FAM120C: variants seen among roughly 807,000 people sequenced by gnomAD.
FAM120C encodes the protein constitutive coactivator of PPAR-gamma-like protein 2.
FAM120C carries 14 observed loss-of-function variants against 71.2 expected under a neutral mutation model. The observed-to-expected ratio is 0.20, with a 90% CI of 0.13 to 0.31. The LOEUF is 0.31. Ranked by LOEUF, FAM120C falls within the 10% of genes least tolerant of loss-of-function variation. The pLI, the probability that FAM120C is intolerant of heterozygous loss-of-function variation, is 1.00. For missense variants in FAM120C, 500 were observed against 879.0 expected, an observed-to-expected ratio of 0.57 and a Z score of 5.45; for synonymous variants, 354 against 353.2, an observed-to-expected ratio of 1.00 and a Z score of -0.03.
chrX:54,165,611 T>C (rs2146641630), intron 1 of FAM120C, among the ~76,000 whole-genome samples: 1 of 109,704 alleles, frequency 9.1e-6, no homozygotes, highest in Admixed American at 9.8e-5. Flanking sequence ...ACCCCGTCTC[T>C]ACTAAAAATA....
chrX:54,090,281 G>T (rs1238368417), intron 11 of FAM120C, among the ~76,000 whole-genome samples: 1 of 108,557 alleles, frequency 9.2e-6, no homozygotes, highest in Non-Finnish European at 1.9e-5. Context: ...GCTCAGGCTG[G>T]AGTACAATGG....
At chrX:54,086,911 A>G (rs191191052) in intron 12 of FAM120C, among the ~76,000 whole-genome samples, 2 of 110,858 alleles carry the variant, frequency 1.8e-5, no homozygotes, top group Admixed American at 1.9e-4. Flanking sequence ...GCAAAAAACT[A>G]TGGATAGTGA....
intron 13 of FAM120C, among the ~76,000 whole-genome samples, chrX:54,081,846 C>T (rs2066767317): frequency 9.3e-6 from 1 of 107,780 alleles, no homozygotes; most frequent in Non-Finnish European, 1.9e-5. Context: ...GACAAAAGAT[C>T]CTACAACCCG....
chrX:54,116,730 C>T lies in FAM120C; in HGVS notation c.2127G>A (p.Leu709=), dbSNP rs782003173. The change falls in exon 10 of 16, where the codon CTG becomes CTA. Residue 709 remains leucine (L), a synonymous_variant. Transcript: ENST00000375180. ...YKGKSPQTPE[L]VSALTFREWT... ...ATTCCCGAAATGTCAGTGCAGACAC[C>T]AGCTCAGGGGTTTGAGGTGACTTCC... 2 of 1,209,610 alleles carry T rather than the reference C, an allele frequency of 1.7e-6. No individual in the cohort carries two copies. Among genetic ancestry groups the T allele is most frequent in the East Asian group, 5.9e-5 (2 of 33,757 alleles).
intron 4 of FAM120C, among the ~76,000 whole-genome samples, chrX:54,138,806 G>A (rs7891404): frequency 0.014 from 1,531 of 112,212 alleles, 23 homozygotes; most frequent in African/African-American, 0.044. Context: ...GCGACAGAGC[G>A]AGACTGTCTA....
In FAM120C at chrX:54,116,537, T is replaced by C. The variant is rs782791567; in HGVS notation, c.2312+8A>G. ...AAGAACAGGCCACCTGCCTGTCAGG[T>C]AGCTTACCGGAGTACACAACACATG... On this transcript the variant is annotated splice_region_variant and intron_variant, in intron 10 of 15. Transcript: ENST00000375180. The C allele has an allele frequency of 1.7e-6, 2 of 1,200,878 alleles. No homozygotes were observed. Among genetic ancestry groups the C allele is most frequent in the Non-Finnish European group, 2.3e-6 (2 of 888,688 alleles).
At chrX:54,136,923 G>C (rs1229867186) in intron 4 of FAM120C, among the ~76,000 whole-genome samples, 1 of 108,831 alleles carries the variant, frequency 9.2e-6, no homozygotes, top group Admixed American at 9.8e-5. Context: ...TTTCCTTACA[G>C]TATGTTTTAA....
intron 10 of FAM120C, among the ~76,000 whole-genome samples, chrX:54,107,301 T>C (rs781939145): frequency 6.4e-5 from 7 of 109,129 alleles, no homozygotes; most frequent in Non-Finnish European, 1.3e-4. Context: ...TTCGCCATGT[T>C]AGCCAGGCTG....
At chrX:54,129,208 C>G (rs1160287441) in intron 9 of FAM120C, among the ~76,000 whole-genome samples, 1 of 107,469 alleles carries the variant, frequency 9.3e-6, no homozygotes, top group Non-Finnish European at 1.9e-5. Context: ...GGTGGAGACG[C>G]TCCTCACTTC....
intron 8 of FAM120C, 127 bp downstream of exon 8, chrX:54,133,646 C>T (rs1446377914): frequency 9.1e-6 from 7 of 767,699 alleles, no homozygotes; most frequent in African/African-American, 4.2e-5. Context: ...GAGGGGCCCA[C>T]CACATGTGGC....
At chrX:54,139,563 G>C (rs2067113345) in intron 4 of FAM120C, among the ~76,000 whole-genome samples, 1 of 110,337 alleles carries the variant, frequency 9.1e-6, no homozygotes, top group South Asian at 3.9e-4. Flanking sequence ...GGATGGTCTT[G>C]ATCTCCTGAC....
chrX:54,094,451 G>A (rs2066840186), intron 10 of FAM120C, among the ~76,000 whole-genome samples: 1 of 108,397 alleles, frequency 9.2e-6, no homozygotes, highest in Non-Finnish European at 1.9e-5. Context: ...GGACCTCTAG[G>A]GGATTTAGTT....
At chrX:54,160,683 G>A (rs781867199) in intron 1 of FAM120C, among the ~76,000 whole-genome samples, 105 of 111,515 alleles carry the variant, frequency 9.4e-4, no homozygotes, top group Middle Eastern at 4.6e-3. Context: ...GACCTGGTAC[G>A]TAATAGTAAT....
intron 1 of FAM120C, among the ~76,000 whole-genome samples, chrX:54,181,196 T>C (rs888131188): frequency 7.2e-5 from 8 of 110,999 alleles, no homozygotes; most frequent in East Asian, 2.8e-4. Context: ...TTAGGTCTTT[T>C]AGTCTCTGAG....
intron 1 of FAM120C, among the ~76,000 whole-genome samples, chrX:54,179,431 G>C (rs2067335524): frequency 9.0e-6 from 1 of 111,607 alleles, no homozygotes; most frequent in Non-Finnish European, 1.9e-5. Context: ...AGAAATAGTA[G>C]GCATGCAGAT....
At chrX:54,118,925 T>C (rs1421727168) in intron 9 of FAM120C, among the ~76,000 whole-genome samples, 1 of 41,769 alleles carries the variant, frequency 2.4e-5, no homozygotes, top group Non-Finnish European at 4.2e-5. Context: ...CCATGTGATC[T>C]CATTGTTCAG....
chrX:54,085,674 A>G (rs2066790468), intron 13 of FAM120C, 41 bp downstream of exon 13: 2 of 1,119,354 alleles, frequency 1.8e-6, no homozygotes, highest in Non-Finnish European at 2.5e-6. Context: ...TTATTATGAC[A>G]TAAATTGAGG....
In FAM120C at chrX:54,147,142, C is replaced by G. The variant is rs368171201; in HGVS notation, c.1158+4103G>C. 2.2e-4 allele frequency among the ~76,000 whole-genome samples: 24 copies of G among 110,480 alleles called. No homozygotes were observed. In the South Asian group the frequency reaches 5.0e-3, roughly 23 times the overall value. ...ACCAGCCTGGCCAACAGGGTGAAAC[C>G]CCATCTCTACTAAAAATACAAAAGA... On this transcript the variant is annotated intron_variant, in intron 4 of 15. Coordinates refer to ENST00000375180, the MANE Select transcript of FAM120C (RefSeq NM_017848.6).
chrX:54,164,808 T>A (rs782437072), intron 1 of FAM120C, among the ~76,000 whole-genome samples: 1 of 111,983 alleles, frequency 8.9e-6, no homozygotes, highest in Non-Finnish European at 1.9e-5. Context: ...GTAGTTTTAT[T>A]TTTAATATAT....
Sources: gnomAD v4.1 joint callset for allele counts (sites outside exome capture counted in the v4.1 genomes callset) on GRCh38, gnomAD v4.1.1 for gene constraint, MANE v1.5 for transcripts, NCBI Gene and HGNC (gene_info 2026-07-23, HGNC 2026-07-21) for gene names.